The following CNTNAP2 variants were observed in gnomAD, a reference collection of about 807,000 sequenced individuals.
CNTNAP2 encodes contactin associated protein 2.
CNTNAP2 carries 98 observed loss-of-function variants against 155.2 expected under a neutral mutation model. That is an observed-to-expected ratio of 0.63 (90% CI 0.54 to 0.75). CNTNAP2 has a LOEUF of 0.75. Among genes scored for constraint, CNTNAP2 ranks in the 30% least tolerant of loss-of-function variants. The pLI is 0.00. For synonymous variants in CNTNAP2, 651 were observed against 631.2 expected (o/e 1.03, Z -0.47); for missense variants, 1,727 against 1,688.1 (o/e 1.02, Z -0.40).
chr7:146,890,714 T>C (rs1183778984), intron 3 of CNTNAP2, among the ~76,000 whole-genome samples: 1 of 152,202 alleles, frequency 6.6e-6, no homozygotes, highest in Non-Finnish European at 1.5e-5. Flanking sequence ...TACAAGTAAA[T>C]GCAAATTTTC....
At chr7:147,432,807 C>T (rs1055551876) in intron 10 of CNTNAP2, among the ~76,000 whole-genome samples, 1 of 152,170 alleles carries the variant, frequency 6.6e-6, no homozygotes, top group East Asian at 1.9e-4. Flanking sequence ...CATCACCTCC[C>T]TACAGAGGCC....
chr7:147,060,090 TATTC>T (rs906118492), intron 4 of CNTNAP2, among the ~76,000 whole-genome samples: 6 of 152,166 alleles, frequency 3.9e-5, no homozygotes, highest in African/African-American at 1.4e-4. Context: ...ATTTTTTGTT[TATTC>T]ATTCAATCAC....
At chr7:146,234,345 G>A (rs565207168) in intron 1 of CNTNAP2, among the ~76,000 whole-genome samples, 7 of 152,194 alleles carry the variant, frequency 4.6e-5, no homozygotes, top group Non-Finnish European at 8.8e-5. Context: ...TGAGTTCATT[G>A]TATATTCTGG....
intron 1 of CNTNAP2, among the ~76,000 whole-genome samples, chr7:146,438,139 TG>T (rs1382272980): frequency 1.3e-5 from 2 of 151,610 alleles, no homozygotes; most frequent in Non-Finnish European, 2.9e-5. Context: ...ATTATACATA[TG>T]TATATCTTAC....
chr7:148,200,708 A>T (rs1429535037), intron 18 of CNTNAP2, among the ~76,000 whole-genome samples: 1 of 152,180 alleles, frequency 6.6e-6, no homozygotes, highest in Non-Finnish European at 1.5e-5. Context: ...AAAATGCTAA[A>T]TTGCTTTTTT....
At chr7:146,450,159 A>G (rs949379827) in intron 1 of CNTNAP2, among the ~76,000 whole-genome samples, 15 of 152,244 alleles carry the variant, frequency 9.9e-5, no homozygotes, top group African/African-American at 3.6e-4. Flanking sequence ...TAGTCATAAT[A>G]CATTTTAATA....
chr7:148,384,054 C>T (rs1799135270), intron 22 of CNTNAP2, among the ~76,000 whole-genome samples, 166 bp downstream of exon 22: 2 of 152,156 alleles, frequency 1.3e-5, no homozygotes, highest in African/African-American at 4.8e-5. Context: ...CAGCACTTAG[C>T]ACATCTGAAA....
At chr7:146,688,663 A>G (rs1461926650) in intron 1 of CNTNAP2, among the ~76,000 whole-genome samples, 4 of 152,010 alleles carry the variant, frequency 2.6e-5, no homozygotes, top group Non-Finnish European at 5.9e-5. Context: ...GGAACTGGCT[A>G]TTTTTCACTT....
chr7:148,221,974 G>A (rs191544191), intron 19 of CNTNAP2, among the ~76,000 whole-genome samples: 8 of 152,332 alleles, frequency 5.3e-5, no homozygotes, highest in African/African-American at 1.9e-4. Context: ...ATGGTACCAG[G>A]GTAAATGGAT....
In CNTNAP2 at chr7:147,337,709, A is replaced by G. The variant is rs116663480; in HGVS notation, c.1498+37419A>G. On this transcript the variant is annotated intron_variant, in intron 9 of 23. Coordinates refer to ENST00000361727, the MANE Select transcript of CNTNAP2 (RefSeq NM_014141.6). ...CTCTGTAAGTTGTCATCACAAAACA[A>G]CAAAAACAAATCCTATTTGAACCCT... Among the ~76,000 whole-genome samples the G allele has an allele frequency of 6.7e-3, 1,025 of 152,270 alleles. 11 individuals are homozygous for G. The highest frequency in any genetic ancestry group is 0.023 in the African/African-American group (964 of 41,544).
chr7:148,172,408 C>A lies in CNTNAP2; in HGVS notation c.2940C>A (p.Cys980Ter). 6.2e-7 allele frequency: 1 copy of A among 1,614,098 alleles called. No individual in the cohort carries two copies. The highest frequency in any genetic ancestry group is 2.2e-5 in the East Asian group (1 of 44,876). ...YGTNCENGGK[C>*]LERYHGYSCD... Reference sequence around the variant, plus strand: ...CAAACTGTGAAAATGGAGGCAAATGCCTAGAGAGATACCACGGTTACTCCT... The same window carrying A: ...CAAACTGTGAAAATGGAGGCAAATGACTAGAGAGATACCACGGTTACTCCT... Residue 980 changes from cysteine to a stop codon, truncating the protein, a stop_gained, in exon 18 of 24, where the codon TGC becomes TGA. Transcript: ENST00000361727. LOFTEE classifies it high-confidence loss of function.
chr7:146,786,244 TC>T (rs1393945203), intron 2 of CNTNAP2, among the ~76,000 whole-genome samples: 12 of 139,392 alleles, frequency 8.6e-5, no homozygotes, highest in African/African-American at 3.7e-4. Context: ...TATCCCTTTT[TC>T]TTTATTTTAC....
intron 4 of CNTNAP2, among the ~76,000 whole-genome samples, chr7:147,100,287 A>C (rs1800627940): frequency 6.6e-6 from 1 of 152,162 alleles, no homozygotes; most frequent in Admixed American, 6.5e-5. Flanking sequence ...TTTGTGATTC[A>C]TTGGGCCAAC....
intron 10 of CNTNAP2, among the ~76,000 whole-genome samples, chr7:147,397,967 C>CTT (rs139439367): frequency 6.6e-6 from 1 of 151,052 alleles, no homozygotes; most frequent in African/African-American, 2.4e-5. Flanking sequence ...TTAGCTTACA[C>CTT]TTTTTTTTTA....
rs1257517923 is a variant in CNTNAP2, at chr7:147,144,486, T to C, written c.1348+11977T>C. On this transcript the variant is annotated intron_variant, in intron 8 of 23. Coordinates refer to ENST00000361727, the MANE Select transcript of CNTNAP2 (RefSeq NM_014141.6). ...GTATTCTTTATAATGCAATATTCTA[T>C]AGGGAAATGTGAAATCTGGATCACA... 2.0e-5 allele frequency among the ~76,000 whole-genome samples: 3 copies of C among 152,200 alleles called. No homozygotes were observed. In the East Asian group the frequency reaches 5.8e-4, roughly 29 times the overall value.
intron 1 of CNTNAP2, among the ~76,000 whole-genome samples, chr7:146,573,105 A>C (rs1419134096): frequency 2.0e-5 from 3 of 152,096 alleles, no homozygotes; most frequent in African/African-American, 7.2e-5. Context: ...GCTTTAGAAA[A>C]AGACACACAG....
intron 4 of CNTNAP2, among the ~76,000 whole-genome samples, chr7:147,057,813 T>A (rs1223335202): frequency 6.6e-6 from 1 of 152,194 alleles, no homozygotes; most frequent in East Asian, 1.9e-4. Flanking sequence ...TTGATTTATA[T>A]AGCAGTGTCT....
chr7:146,224,142 G>A (rs1312656887), intron 1 of CNTNAP2, among the ~76,000 whole-genome samples: 1 of 152,144 alleles, frequency 6.6e-6, no homozygotes, highest in Admixed American at 6.5e-5. Context: ...AGGAAATGCA[G>A]CAGATGCCAA....
chr7:147,871,589 C>T (rs1362862933), intron 13 of CNTNAP2, among the ~76,000 whole-genome samples: 4 of 152,176 alleles, frequency 2.6e-5, no homozygotes, highest in Admixed American at 6.5e-5. Context: ...CGGCTTGGCA[C>T]GTCCACAGGG....
Sources: allele counts gnomAD v4.1 joint callset (sites outside exome capture counted in the v4.1 genomes callset), GRCh38; gene constraint gnomAD v4.1.1; transcripts MANE v1.5; gene names NCBI Gene and HGNC (gene_info 2026-07-23, HGNC 2026-07-21).